The following TMEM67 variants were observed in gnomAD, a reference collection of about 807,000 sequenced individuals.
The protein encoded by TMEM67 is transmembrane protein 67.
TMEM67 carries 124 observed loss-of-function variants against 136.6 expected under a neutral mutation model. That is an observed-to-expected ratio of 0.91 (90% CI 0.78 to 1.05). The LOEUF is 1.05. Ranked by LOEUF, TMEM67 falls within the 50% of genes least tolerant of loss-of-function variation. The pLI is 0.00. For synonymous variants in TMEM67, 364 were observed against 390.5 expected, an observed-to-expected ratio of 0.93 and a Z score of 0.80; for missense variants, 1,107 against 1,178.4, an observed-to-expected ratio of 0.94 and a Z score of 0.89.
chr8:93,780,377 C>T (rs1161141304), intron 7 of TMEM67, among the ~76,000 whole-genome samples: 1 of 152,144 alleles, frequency 6.6e-6, no homozygotes, highest in African/African-American at 2.4e-5. Flanking sequence ...GGGCTGCACC[C>T]ACTGTCCAAC....
At chr8:93,790,777 G>A (rs1257519068) in intron 14 of TMEM67, among the ~76,000 whole-genome samples, 1 of 152,120 alleles carries the variant, frequency 6.6e-6, no homozygotes, top group Non-Finnish European at 1.5e-5. Flanking sequence ...CTGTGACCAT[G>A]GTAAGACTTA....
chr8:93,807,956 A>G (rs930066166), intron 23 of TMEM67, among the ~76,000 whole-genome samples: 1 of 151,970 alleles, frequency 6.6e-6, no homozygotes, highest in Non-Finnish European at 1.5e-5. Flanking sequence ...CTGGTTCATA[A>G]CATTAACTGT....
downstream of TMEM67, among the ~76,000 whole-genome samples, chr8:93,823,500 T>C (rs1421619152): frequency 6.6e-6 from 1 of 151,848 alleles, no homozygotes; most frequent in Non-Finnish European, 1.5e-5. Flanking sequence ...AACATAAAAC[T>C]AGCATACTTA....
intron 7 of TMEM67, among the ~76,000 whole-genome samples, chr8:93,777,714 G>T (rs978215033): frequency 1.3e-5 from 2 of 152,226 alleles, no homozygotes; most frequent in African/African-American, 2.4e-5. Context: ...TGTGGTCTGA[G>T]AGACAGTTTG....
downstream of TMEM67, among the ~76,000 whole-genome samples, chr8:93,821,449 T>C (rs1433568888): frequency 4.6e-5 from 7 of 152,068 alleles, no homozygotes; most frequent in Admixed American, 4.6e-4. Flanking sequence ...GCTTGGATAA[T>C]TTTAAATTTT....
intron 7 of TMEM67, among the ~76,000 whole-genome samples, chr8:93,775,416 A>T (rs1423015696): frequency 6.6e-6 from 1 of 152,190 alleles, no homozygotes; most frequent in African/African-American, 2.4e-5. Context: ...TTTAGTCATG[A>T]AGTCCTTGCC....
At position 93,780,685 on chromosome 8, in the gene TMEM67, A is replaced by G; in HGVS notation, c.807A>G (p.Gly269=). 1.2e-6 allele frequency: 2 copies of G among 1,614,010 alleles called. No homozygotes were observed. Among genetic ancestry groups the G allele is most frequent in the Non-Finnish European group, 1.7e-6 (2 of 1,179,974 alleles). ...ACTTTGCCACATTTGATGCATGTGG[A>G]CTATTTCAGTTTATCTTTGAAAATA... is the stretch of plus-strand genomic sequence containing the variant. ...SYDFATFDAC[G]LFQFIFENTA... Residue 269 remains glycine (G), a synonymous_variant, in exon 8 of 28, where the codon GGA becomes GGG. Transcript: ENST00000453321.
downstream of TMEM67, among the ~76,000 whole-genome samples, chr8:93,821,521 C>T (rs985735528): frequency 2.0e-5 from 3 of 152,140 alleles, no homozygotes; most frequent in Non-Finnish European, 4.4e-5. Context: ...TAGCCTCAAG[C>T]GATCCTCCAC....
rs1812682827 is a variant in TMEM67 at position 93,758,526 on chromosome 8, G to A, written c.356G>A (p.Ser119Asn). The A allele has an allele frequency of 1.1e-5, 17 of 1,613,878 alleles. No homozygotes were observed. The highest frequency in any genetic ancestry group is 1.4e-5 in the Non-Finnish European group (16 of 1,179,956). ...GGCTGGAACTGCATTTCTTGCCCTA[G>A]TGACTTAACTGCCGAAGGAAAATGT... The part of the protein sequence containing the change: ...EDGWNCISCP[S>N]DLTAEGKCHC... Residue 119 changes from serine (S) to asparagine (N), a missense_variant, in exon 3 of 28, where the codon AGT (serine) becomes AAT (asparagine). By Grantham distance (46) the Ser-to-Asn change is conservative. Transcript: ENST00000453321.
intron 10 of TMEM67, 64 bp from the exon 11 acceptor site, chr8:93,782,331 G>T (rs956891914): frequency 2.3e-6 from 3 of 1,305,198 alleles, no homozygotes; most frequent in South Asian, 1.2e-5. Context: ...TCGGGTTTGA[G>T]AACTCTTGAG....
downstream of TMEM67, among the ~76,000 whole-genome samples, chr8:93,820,188 C>G (rs1809021494): frequency 1.3e-5 from 2 of 151,692 alleles, no homozygotes; most frequent in South Asian, 4.1e-4. Context: ...TGCTTTCCCC[C>G]ATGGCTGTGC....
chr8:93,814,652 C>CT (rs1298820889), intron 26 of TMEM67, among the ~76,000 whole-genome samples: 2,477 of 138,522 alleles, frequency 0.018, 65 homozygotes, highest in African/African-American at 0.057. Flanking sequence ...TTCTTTCTTT[C>CT]TTTTTTTTTT....
chr8:93,755,977 T>A, intron 2 of TMEM67, 111 bp downstream of exon 2: 1 of 643,184 alleles, frequency 1.6e-6, no homozygotes, highest in Non-Finnish European at 2.6e-6. Context: ...ACTTTAAAAT[T>A]ACTATGCTAA....
rs966581270 is a variant in TMEM67 at position 93,780,658 on chromosome 8, C to T, written c.780C>T (p.Tyr260=). 28 of 1,613,974 alleles carry T rather than the reference C, an allele frequency of 1.7e-5. No individual in the cohort carries two copies. Among genetic ancestry groups the T allele is most frequent in the African/African-American group, 2.7e-5 (2 of 74,906 alleles). The part of the protein sequence containing the change: ...GNMCVMNMNS[Y]DFATFDACGL... ...TGTGTGTGATGAACATGAATTCTTACGACTTTGCCACATTTGATGCATGTG... is the reference window on the plus strand; with the variant it reads ...TGTGTGTGATGAACATGAATTCTTATGACTTTGCCACATTTGATGCATGTG... The change falls in exon 8 of 28, where the codon TAC becomes TAT. Residue 260 remains tyrosine (Y), a synonymous_variant. Coordinates refer to ENST00000453321, the MANE Select transcript of TMEM67 (RefSeq NM_153704.6).
At chr8:93,766,592 A>T (rs2130592357) in intron 6 of TMEM67, among the ~76,000 whole-genome samples, 1 of 152,340 alleles carries the variant, frequency 6.6e-6, no homozygotes, top group South Asian at 2.1e-4. Flanking sequence ...TTACAATAGG[A>T]ATTACTGAAT....
rs547311817 is a variant in TMEM67, at chr8:93,798,774, T to G, written c.2101-844T>G. Among the ~76,000 whole-genome samples the G allele has an allele frequency of 7.9e-5, 12 of 152,286 alleles. No individual in the cohort carries two copies. The East Asian group carries it at 2.3e-3, about 29-fold the overall frequency. ...GGCTTTAAAATAATATGAACAAGACTTCCAAAGTTCACTTGAAGTGGTATT... is the reference window on the plus strand; with the variant it reads ...GGCTTTAAAATAATATGAACAAGACGTCCAAAGTTCACTTGAAGTGGTATT... On this transcript the variant is annotated intron_variant, in intron 20 of 27. Transcript: ENST00000453321.
rs1223894854 is a variant in TMEM67 at position 93,799,757 on chromosome 8, AG to A, written c.2241+1del. 6.2e-7 allele frequency: 1 copy of A among 1,612,760 alleles called. No homozygotes were observed. Among genetic ancestry groups the A allele is most frequent in the South Asian group, 1.1e-5 (1 of 91,060 alleles). On this transcript the variant is annotated frameshift_variant and splice_region_variant, in exon 21 of 28. Coordinates refer to ENST00000453321, the MANE Select transcript of TMEM67 (RefSeq NM_153704.6). LOFTEE classifies it high-confidence loss of function. ...CTTTGGCTAGCCATTGGAATTATACAGGTAAGGAATTATACAGGTAATATTA... is the reference window on the plus strand; with the variant it reads ...CTTTGGCTAGCCATTGGAATTATACAGTAAGGAATTATACAGGTAATATTA... ...AALWLAIGII[Q>X]VVFFAVFYER...
In TMEM67 at chr8:93,781,643, G is replaced by A. The variant is rs536582676; in HGVS notation, c.979-15G>A. On this transcript the variant is annotated splice_polypyrimidine_tract_variant and intron_variant, in intron 9 of 27. Transcript: ENST00000453321. ...CAGAGTATTTGACCTGATTTTGCTC[G>A]TTTTCTTTAATCAGAATACAAAACT... The A allele has an allele frequency of 3.1e-5, 45 of 1,447,938 alleles. No homozygotes were observed. Among genetic ancestry groups the A allele is most frequent in the Middle Eastern group, 1.9e-4 (1 of 5,264 alleles). The allele number at this position is 1,447,938 out of a possible 1,614,324, so 89.7% of individuals were successfully genotyped here. A position where few individuals can be genotyped will look rare whatever the true frequency, so the allele number is the denominator to read the frequency against.
chr8:93,821,658 G>A (rs1331930895), downstream of TMEM67, among the ~76,000 whole-genome samples: 1 of 152,124 alleles, frequency 6.6e-6, no homozygotes, highest in East Asian at 1.9e-4. Context: ...CAGCACCTTG[G>A]GAGGCCAAGG....
Sources: gnomAD v4.1 joint callset for allele counts (sites outside exome capture counted in the v4.1 genomes callset) on GRCh38, gnomAD v4.1.1 for gene constraint, MANE v1.5 for transcripts, NCBI Gene and HGNC (gene_info 2026-07-23, HGNC 2026-07-21) for gene names.